Variants in RAB3C observed in about 807,000 individuals in gnomAD.
The protein encoded by RAB3C is RAB3C, member RAS oncogene family, also known as ras-related protein Rab-3C.
Under a neutral mutation model 26.4 loss-of-function variants are expected in RAB3C, and 17 were observed. The observed-to-expected ratio is 0.64, with a 90% CI of 0.44 to 0.97. RAB3C has a LOEUF of 0.97. Ranked by LOEUF, RAB3C falls within the 50% of genes least tolerant of loss-of-function variation. RAB3C has a pLI of 0.00. For missense variants in RAB3C, 242 were observed against 281.9 expected, an observed-to-expected ratio of 0.86 and a Z score of 1.01; for synonymous variants, 91 against 95.9, an observed-to-expected ratio of 0.95 and a Z score of 0.30.
upstream of RAB3C, chr5:58,582,423 G>C: frequency 1.0e-6 from 1 of 985,366 alleles, no homozygotes; most frequent in Non-Finnish European, 1.2e-6. Context: ...AGGTAAGCAG[G>C]CGAAAGGAGT....
intron 2 of RAB3C, among the ~76,000 whole-genome samples, chr5:58,686,597 T>A (rs74288854): frequency 0.12 from 18,341 of 151,996 alleles, 1,425 homozygotes; most frequent in Non-Finnish European, 0.17. Flanking sequence ...TGTTGCTGTC[T>A]GTACTGCCCT....
chr5:58,712,430 A>T (rs551139291), intron 2 of RAB3C, among the ~76,000 whole-genome samples: 1 of 152,210 alleles, frequency 6.6e-6, no homozygotes, highest in African/African-American at 2.4e-5. Flanking sequence ...GAGTCCAAAC[A>T]TCAATTTCAC....
chr5:58,853,543 G>T lies in RAB3C; in HGVS notation c.*2192G>T, dbSNP rs1744161265. 6.6e-6 allele frequency: 1 copy of T among 152,172 alleles called. No homozygotes were observed. The highest frequency in any genetic ancestry group is 2.4e-5 in the African/African-American group (1 of 41,442). 9.4% of individuals were successfully genotyped at this position (152,172 alleles called of 1,614,324 possible). ...AAGTGAAAGAGCAGAGTTTTGCTCT[G>T]CTGAAAACCCCTTCCCTGAAGAACT... On this transcript the variant is annotated 3_prime_UTR_variant, in exon 5 of 5. Coordinates refer to ENST00000282878, the MANE Select transcript of RAB3C (RefSeq NM_138453.4).
At chr5:58,843,109 G>A (rs1743911776) in intron 4 of RAB3C, among the ~76,000 whole-genome samples, 1 of 152,166 alleles carries the variant, frequency 6.6e-6, no homozygotes, top group Admixed American at 6.5e-5. Context: ...ACTTCATGGG[G>A]CTGGTTACAG....
intron 2 of RAB3C, among the ~76,000 whole-genome samples, chr5:58,694,233 T>C (rs1400009146): frequency 6.6e-6 from 1 of 152,136 alleles, no homozygotes; most frequent in African/African-American, 2.4e-5. Context: ...TGGTTTCCAG[T>C]TTCATCCATG....
At chr5:58,612,514 G>GTATATATATATATATA in intron 1 of RAB3C, among the ~76,000 whole-genome samples, 1 of 54,096 alleles carries the variant, frequency 1.8e-5, no homozygotes, top group African/African-American at 8.5e-5. Context: ...GTGTGTGTGT[G>GTATATATATATATATA]TGTGTGTATA....
intron 2 of RAB3C, 114 bp from the exon 3 acceptor site, chr5:58,725,888 T>C (rs564053553): frequency 6.4e-4 from 382 of 599,984 alleles, no homozygotes; most frequent in Admixed American, 1.6e-3. Flanking sequence ...TAGACAGCTA[T>C]ACACAACAAG....
intron 3 of RAB3C, among the ~76,000 whole-genome samples, chr5:58,819,659 A>G (rs956192538): frequency 2.0e-5 from 3 of 152,108 alleles, no homozygotes; most frequent in African/African-American, 7.2e-5. Context: ...CAGATCACTT[A>G]AGGTCAGGAG....
chr5:58,713,682 T>C (rs1379048876), intron 2 of RAB3C, among the ~76,000 whole-genome samples: 1 of 152,202 alleles, frequency 6.6e-6, no homozygotes, highest in African/African-American at 2.4e-5. Flanking sequence ...ATCTTTAAAA[T>C]ACATCAGAAA....
At chr5:58,721,797 T>G (rs908345271) in intron 2 of RAB3C, among the ~76,000 whole-genome samples, 10 of 151,900 alleles carry the variant, frequency 6.6e-5, no homozygotes, top group African/African-American at 1.4e-4. Context: ...TTTTCCCTAC[T>G]TAGTGCAATT....
chr5:58,713,291 G>T (rs906038304), intron 2 of RAB3C, among the ~76,000 whole-genome samples: 5 of 152,098 alleles, frequency 3.3e-5, no homozygotes, highest in Admixed American at 1.3e-4. Flanking sequence ...CAGCAATGCA[G>T]GAACCATTTT....
chr5:58,673,400 G>A (rs1394749269), intron 2 of RAB3C, among the ~76,000 whole-genome samples: 1 of 151,420 alleles, frequency 6.6e-6, no homozygotes, highest in Non-Finnish European at 1.5e-5. Flanking sequence ...GAAACTGTAG[G>A]GGGAAAGTGG....
rs1457255432 is a variant in RAB3C, at chr5:58,837,135, G to C, written c.496+11973G>C. Among the ~76,000 whole-genome samples the C allele has an allele frequency of 2.6e-5, 4 of 152,166 alleles. No individual in the cohort carries two copies. In the East Asian group the frequency reaches 7.7e-4, roughly 29 times the overall value. ...TTTGATTCACATTTCTCTGATGATTGGTGATGTTGAACATTTTTTGATACA... is the reference window on the plus strand; with the variant it reads ...TTTGATTCACATTTCTCTGATGATTCGTGATGTTGAACATTTTTTGATACA... On this transcript the variant is annotated intron_variant, in intron 4 of 4. Coordinates refer to ENST00000282878, the MANE Select transcript of RAB3C (RefSeq NM_138453.4).
chr5:58,605,436 G>GA (rs1185814896), intron 1 of RAB3C, among the ~76,000 whole-genome samples: 5 of 152,096 alleles, frequency 3.3e-5, no homozygotes, highest in Non-Finnish European at 5.9e-5. Flanking sequence ...CTTCACACTA[G>GA]AAAAAAGCTG....
chr5:58,602,663 C>T (rs1746481448), intron 1 of RAB3C, among the ~76,000 whole-genome samples: 1 of 152,104 alleles, frequency 6.6e-6, no homozygotes, highest in South Asian at 2.1e-4. Flanking sequence ...AATAGCTATC[C>T]CTGCTCACTT....
At chr5:58,824,127 G>T (rs1401607890) in intron 3 of RAB3C, among the ~76,000 whole-genome samples, 1 of 151,760 alleles carries the variant, frequency 6.6e-6, no homozygotes, top group Non-Finnish European at 1.5e-5. Context: ...GTCTATCATT[G>T]TTGGACATTT....
intron 2 of RAB3C, among the ~76,000 whole-genome samples, chr5:58,619,516 C>T (rs985240279): frequency 2.0e-5 from 3 of 152,090 alleles, no homozygotes; most frequent in Non-Finnish European, 2.9e-5. Context: ...AATTTGGAAA[C>T]GATACATCCC....
chr5:58,745,907 A>G (rs1741393526), intron 3 of RAB3C, among the ~76,000 whole-genome samples: 1 of 152,226 alleles, frequency 6.6e-6, no homozygotes, highest in East Asian at 1.9e-4. Context: ...CACTTAATTA[A>G]TATTCAGTTG....
intron 3 of RAB3C, among the ~76,000 whole-genome samples, chr5:58,812,559 G>A (rs985869841): frequency 6.6e-6 from 1 of 152,194 alleles, no homozygotes; most frequent in Non-Finnish European, 1.5e-5. Context: ...CAAGGTCTTG[G>A]TGTGGCCCAG....
Sources: gnomAD v4.1 joint callset for allele counts (sites outside exome capture counted in the v4.1 genomes callset) on GRCh38, gnomAD v4.1.1 for gene constraint, MANE v1.5 for transcripts, NCBI Gene and HGNC (gene_info 2026-07-23, HGNC 2026-07-21) for gene names.